The following NLRP14 variants were observed in gnomAD, a reference collection of about 807,000 sequenced individuals.
NLRP14 encodes the protein NLR family pyrin domain containing 14.
In NLRP14, 105 loss-of-function variants were observed where a neutral mutation model predicts 94.7. The observed-to-expected ratio is 1.11, with a 90% CI of 0.95 to 1.30. The LOEUF (loss-of-function observed/expected upper bound fraction) is 1.30. NLRP14 is among the 50% of genes most tolerant of loss of function. NLRP14 has a pLI of 0.00. For synonymous variants in NLRP14, 508 were observed against 459.9 expected (o/e 1.10, Z -1.34); for missense variants, 1,362 against 1,254.1 (o/e 1.09, Z -1.30).
At position 7,038,680 on chromosome 11, in the gene NLRP14, T is replaced by A; in HGVS notation, c.94T>A (p.Leu32Ile). The A allele has an allele frequency of 6.2e-7, 1 of 1,613,936 alleles. No homozygotes were observed. Among genetic ancestry groups the A allele is most frequent in the Non-Finnish European group, 8.5e-7 (1 of 1,179,836 alleles). ...LNKEELNTFK[L>I]FLKETMEPEH... is the part of the protein sequence containing the mutation. ...CAAAGAGGAATTAAATACATTCAAG[T>A]TATTCCTAAAGGAGACCATGGAACC... is the stretch of plus-strand genomic sequence containing the variant. The change falls in exon 2 of 12, where the codon TTA becomes ATA. Residue 32 changes from leucine to isoleucine, a missense_variant. Coordinates refer to ENST00000299481, the MANE Select transcript of NLRP14 (RefSeq NM_176822.4).
chr11:7,062,542 T>G (rs780252759), intron 10 of NLRP14, 39 bp downstream of exon 10: 17 of 1,564,230 alleles, frequency 1.1e-5, no homozygotes, highest in Non-Finnish European at 1.1e-5. Context: ...TGATGCCTAT[T>G]TGGTAGCTAG....
At chr11:7,042,343 A>G (rs1326414176) in intron 3 of NLRP14, 45 bp from the exon 4 acceptor site, 3 of 1,523,882 alleles carry the variant, frequency 2.0e-6, no homozygotes, top group African/African-American at 1.4e-5. Flanking sequence ...TGTTTTGATC[A>G]TGTGTCTTTG....
chr11:7,051,252 G>A (rs895826087), intron 6 of NLRP14, among the ~76,000 whole-genome samples: 2 of 152,206 alleles, frequency 1.3e-5, no homozygotes, highest in Non-Finnish European at 2.9e-5. Context: ...TGTTCCCCCA[G>A]TGTGGATGGC....
At position 7,020,736 on chromosome 11, in the gene NLRP14, G is replaced by A. The variant is rs1851911808; in HGVS notation, c.-56G>A. On this transcript the variant is annotated 5_prime_UTR_variant, in exon 1 of 12. Transcript: ENST00000299481. ...CCTTGGCGGAATGGGCACCTCACTA[G>A]CCCTGGCACTAGCTAGCATCGCTCT... 1 of 152,322 alleles carries A rather than the reference G, an allele frequency of 6.6e-6. No homozygotes were observed. Among genetic ancestry groups the A allele is most frequent in the Admixed American group, 6.5e-5 (1 of 15,290 alleles). The allele number at this position is 152,322 out of a possible 1,614,324, so 9.4% of individuals were successfully genotyped here.
chr11:7,021,502 A>G (rs1315326126), intron 1 of NLRP14, among the ~76,000 whole-genome samples: 1 of 152,170 alleles, frequency 6.6e-6, no homozygotes, highest in Non-Finnish European at 1.5e-5. Flanking sequence ...GCATTTTAAA[A>G]ATGTGGGCTT....
the NLRP14 span, chr11:7,089,102 G>C: frequency 6.2e-7 from 1 of 1,609,792 alleles, no homozygotes; most frequent in South Asian, 1.1e-5. Context: ...GCCACTGACC[G>C]ACCGTTCGAC....
At chr11:7,024,439 A>C (rs906482646) in intron 1 of NLRP14, among the ~76,000 whole-genome samples, 2 of 152,214 alleles carry the variant, frequency 1.3e-5, no homozygotes, top group Non-Finnish European at 2.9e-5. Context: ...ACCTGGTCCC[A>C]TATCCTGGTT....
rs117865720 is a variant in NLRP14, at chr11:7,028,516, C to A, written c.-22+7746C>A. 2.4e-3 allele frequency among the ~76,000 whole-genome samples: 371 copies of A among 152,208 alleles called. 1 individual carries two copies. The highest frequency in any genetic ancestry group is 3.7e-3 in the Non-Finnish European group (254 of 68,006). On this transcript the variant is annotated intron_variant, in intron 1 of 11. Coordinates refer to ENST00000299481, the MANE Select transcript of NLRP14 (RefSeq NM_176822.4). ...TACTCCAGGATACTTCATATAGAAC[C>A]AGGATGATTCTCTTAAAACATAATA...
At chr11:7,082,526 A>G in the NLRP14 span, among the ~76,000 whole-genome samples, 1 of 152,176 alleles carries the variant, frequency 6.6e-6, no homozygotes, top group Non-Finnish European at 1.5e-5. Flanking sequence ...TCAGCAATAG[A>G]TGGTTTCACC....
intron 10 of NLRP14, among the ~76,000 whole-genome samples, chr11:7,069,296 A>G (rs567001692): frequency 4.1e-4 from 62 of 152,368 alleles, no homozygotes; most frequent in Non-Finnish European, 6.3e-4. Context: ...CTTAACAAAA[A>G]AAAAGTTTTG....
rs1407523666 is a variant in NLRP14 at position 7,046,711 on chromosome 11, G to C, written c.2002G>C (p.Val668Leu). 1 of 1,613,634 alleles carries C rather than the reference G, an allele frequency of 6.2e-7. No individual in the cohort carries two copies. Among genetic ancestry groups the C allele is most frequent in the Non-Finnish European group, 8.5e-7 (1 of 1,179,542 alleles). ...ITHCWQDLCSVLHTNEHLREL... is the reference protein window; with the variant it reads ...ITHCWQDLCSLLHTNEHLREL... ...TCACTGTTGGCAAGATCTCTGTTCT[G>C]TGCTTCATACAAATGAACACTTGAG... Residue 668 changes from valine to leucine, a missense_variant, in exon 5 of 12, where the codon GTG becomes CTG. Coordinates refer to ENST00000299481, the MANE Select transcript of NLRP14 (RefSeq NM_176822.4).
At chr11:7,070,813 G>C (rs1852783167) in intron 11 of NLRP14, among the ~76,000 whole-genome samples, 1 of 152,034 alleles carries the variant, frequency 6.6e-6, no homozygotes, top group Non-Finnish European at 1.5e-5. Context: ...AGTCAATATA[G>C]GCTAAGTACT....
rs897496777 is a variant in NLRP14 at position 7,071,402 on chromosome 11, T to C, written c.*94T>C. ...CTTGGGTGCTTAGCTTCAGATACTC[T>C]ATGCCCAGAGATAGTGCACTTGGCA... On this transcript the variant is annotated 3_prime_UTR_variant, in exon 12 of 12. Coordinates refer to ENST00000299481, the MANE Select transcript of NLRP14 (RefSeq NM_176822.4). 5 of 1,000,808 alleles carry C rather than the reference T, an allele frequency of 5.0e-6. No individual in the cohort carries two copies. The highest frequency in any genetic ancestry group is 7.6e-6 in the Non-Finnish European group (5 of 656,160). 62.0% of individuals were successfully genotyped at this position (1,000,808 alleles called of 1,614,324 possible).
the NLRP14 span, among the ~76,000 whole-genome samples, chr11:7,086,823 A>G: frequency 6.6e-6 from 1 of 152,204 alleles, no homozygotes; most frequent in South Asian, 2.1e-4. Context: ...GCCCTGAGGA[A>G]TGAAGTTAAG....
At chr11:7,062,257 T>G in intron 9 of NLRP14, 76 bp from the exon 10 acceptor site, 1 of 1,223,622 alleles carries the variant, frequency 8.2e-7, no homozygotes, top group Non-Finnish European at 1.2e-6. Context: ...TTCAAATACC[T>G]GGGTATATCT....
chr11:7,067,997 A>G (rs547865975), intron 10 of NLRP14, among the ~76,000 whole-genome samples: 2 of 151,896 alleles, frequency 1.3e-5, no homozygotes, highest in African/African-American at 2.4e-5. Context: ...TCTCTTTCTC[A>G]TAGGGTACTT....
At chr11:7,035,938 T>C (rs938163495) in intron 1 of NLRP14, among the ~76,000 whole-genome samples, 8 of 152,220 alleles carry the variant, frequency 5.3e-5, no homozygotes, top group South Asian at 4.1e-4. Flanking sequence ...ATGAGCTTTG[T>C]AGTATGATAG....
chr11:7,075,114 G>C (rs2119449999), downstream of NLRP14, among the ~76,000 whole-genome samples: 2 of 152,252 alleles, frequency 1.3e-5, no homozygotes, highest in South Asian at 4.1e-4. Flanking sequence ...AATGTGGTGT[G>C]TCTGACCTCC....
At chr11:7,065,329 G>T (rs1852689078) in intron 10 of NLRP14, among the ~76,000 whole-genome samples, 1 of 152,016 alleles carries the variant, frequency 6.6e-6, no homozygotes. Context: ...TGTTGTAAAT[G>T]ATTGTTTTAG....
Sources: gnomAD v4.1 joint callset for allele counts (sites outside exome capture counted in the v4.1 genomes callset) on GRCh38, gnomAD v4.1.1 for gene constraint, MANE v1.5 for transcripts, NCBI Gene and HGNC (gene_info 2026-07-23, HGNC 2026-07-21) for gene names.